DIP2C: variants seen among roughly 807,000 people sequenced by gnomAD.
The protein encoded by DIP2C is DIP2 acetate--CoA ligase C (putative), also known as disco-interacting protein 2 homolog C.
A neutral mutation model predicts 192.4 loss-of-function variants in DIP2C; 33 were observed. That is an observed-to-expected ratio of 0.17 (90% CI 0.13 to 0.23). The LOEUF (loss-of-function observed/expected upper bound fraction) is 0.23. Ranked by LOEUF, DIP2C falls within the 10% of genes least tolerant of loss-of-function variation. The probability of loss-of-function intolerance (pLI) is 1.00; values close to 1 mark genes in which losing one functional copy is unlikely to be tolerated. For synonymous variants in DIP2C, 979 were observed against 864.1 expected (o/e 1.13, Z -2.33); for missense variants, 1,537 against 2,110.1 (o/e 0.73, Z 5.32).
intron 1 of DIP2C, among the ~76,000 whole-genome samples, chr10:597,381 G>A (rs571006796): frequency 6.6e-6 from 1 of 152,308 alleles, no homozygotes; most frequent in Non-Finnish European, 1.5e-5. Flanking sequence ...TGTCTCTCTG[G>A]AGAGCCCTGA....
At chr10:304,765 C>G (rs1474023053) in intron 32 of DIP2C, among the ~76,000 whole-genome samples, 1 of 141,360 alleles carries the variant, frequency 7.1e-6, no homozygotes, top group Non-Finnish European at 1.6e-5. Context: ...AAACAGTACA[C>G]TACACTCACA....
rs1855909283 is a variant in DIP2C, at chr10:651,606, A to G, written c.85+37888T>C. 1 of 366,394 alleles carries G rather than the reference A, an allele frequency of 2.7e-6. No homozygotes were observed. Among genetic ancestry groups the G allele is most frequent in the African/African-American group, 2.1e-5 (1 of 47,354 alleles). 22.7% of individuals were successfully genotyped at this position (366,394 alleles called of 1,614,324 possible). A position where few individuals can be genotyped will look rare whatever the true frequency, so the allele number is the denominator to read the frequency against. ...TTCCCCCAAAAGGTGCATCTTTTAT[A>G]AAACAAGAACGCAAGGCTCTGAGGC... On this transcript the variant is annotated intron_variant, in intron 1 of 36. Coordinates refer to ENST00000280886, the MANE Select transcript of DIP2C (RefSeq NM_014974.3). This position sits in a 1 kb window ranked among gnomAD's most constrained non-coding sequence, Gnocchi z 4.1.
At chr10:581,475 A>G (rs912880053) in intron 1 of DIP2C, among the ~76,000 whole-genome samples, 1 of 152,240 alleles carries the variant, frequency 6.6e-6, no homozygotes, top group Admixed American at 6.5e-5. Context: ...TTTTAAAGTT[A>G]TATTTGAAGA....
At chr10:384,270 CCTTTTT>C in intron 15 of DIP2C, 124 bp from the exon 16 acceptor site, 3 of 535,772 alleles carry the variant, frequency 5.6e-6, no homozygotes, top group Admixed American at 9.4e-5. Flanking sequence ...CCCCCACAAA[CCTTTTT>C]TTTTTTTTTT....
rs59721670 is a variant in DIP2C, at chr10:565,354, T to TAAAAAAAA, written c.86-78832_86-78825dup. 1.3e-3 allele frequency among the ~76,000 whole-genome samples: 146 copies of TAAAAAAAA among 114,074 alleles called. 2 individuals carry two copies. The East Asian group carries it at 0.013, about 10-fold the overall frequency. 74.8% of individuals were successfully genotyped at this position (114,074 alleles called of 152,430 possible). A position where few individuals can be genotyped will look rare whatever the true frequency, so the allele number is the denominator to read the frequency against. ...AAAATATGAAACAGTACCTGCATTC[T>TAAAAAAAA]AAAAAAAAAAAAAAAAAGACCTAGA... On this transcript the variant is annotated intron_variant, in intron 1 of 36. Transcript: ENST00000280886.
At chr10:386,279 G>A (rs1441120307) in intron 14 of DIP2C, among the ~76,000 whole-genome samples, 3 of 152,228 alleles carry the variant, frequency 2.0e-5, no homozygotes, top group South Asian at 4.1e-4. Flanking sequence ...CACCGGCCAC[G>A]TCAAATAGGA....
At chr10:685,906 A>G (rs1831313087) in intron 1 of DIP2C, among the ~76,000 whole-genome samples, 1 of 152,252 alleles carries the variant, frequency 6.6e-6, no homozygotes, top group East Asian at 1.9e-4. Flanking sequence ...GGTTGCAGTG[A>G]GTTGAGCTCA....
At chr10:579,173 C>A (rs11595002) in intron 1 of DIP2C, among the ~76,000 whole-genome samples, 2 of 150,336 alleles carry the variant, frequency 1.3e-5, no homozygotes, top group Non-Finnish European at 3.0e-5. Flanking sequence ...GTGTACAAAC[C>A]TAAGTGCACT....
intron 31 of DIP2C, among the ~76,000 whole-genome samples, chr10:324,074 C>T (rs983985023): frequency 7.2e-5 from 11 of 152,128 alleles, no homozygotes; most frequent in African/African-American, 2.7e-4. Flanking sequence ...TGAAGCGTTC[C>T]TGACTGCCCT....
chr10:384,741 GCT>G, intron 14 of DIP2C, 102 bp from the exon 15 acceptor site: 1 of 1,186,888 alleles, frequency 8.4e-7, no homozygotes, highest in Non-Finnish European at 1.2e-6. Context: ...GCAGGGGGGA[GCT>G]CTCAGGGAGC....
At chr10:350,466 A>C (rs1958736632) in intron 24 of DIP2C, among the ~76,000 whole-genome samples, 1 of 152,088 alleles carries the variant, frequency 6.6e-6, no homozygotes, top group South Asian at 2.1e-4. Context: ...TCAGATGTGA[A>C]GACGGCTTCT....
At chr10:361,530 C>A (rs919306867) in intron 22 of DIP2C, among the ~76,000 whole-genome samples, 3 of 152,328 alleles carry the variant, frequency 2.0e-5, no homozygotes, top group African/African-American at 7.2e-5. Context: ...CTTGTCTGAA[C>A]CCTGTCTCCA....
intron 31 of DIP2C, among the ~76,000 whole-genome samples, chr10:325,811 A>G (rs1396875077): frequency 6.6e-6 from 1 of 152,214 alleles, no homozygotes; most frequent in Non-Finnish European, 1.5e-5. Context: ...TTGGTAATTT[A>G]TAATTTCTTA....
At chr10:391,209 T>C (rs1259035540) in intron 10 of DIP2C, among the ~76,000 whole-genome samples, 1 of 152,194 alleles carries the variant, frequency 6.6e-6, no homozygotes, top group East Asian at 1.9e-4. Flanking sequence ...GATTATACAA[T>C]GCAATTACTG....
chr10:439,941 T>TG (rs1967593054), intron 4 of DIP2C, among the ~76,000 whole-genome samples: 1 of 152,228 alleles, frequency 6.6e-6, no homozygotes, highest in Non-Finnish European at 1.5e-5. Context: ...CAAAGTGGGA[T>TG]GTAAGGTGAT....
intron 1 of DIP2C, among the ~76,000 whole-genome samples, chr10:599,704 G>C (rs1276341649): frequency 3.3e-5 from 5 of 152,176 alleles, no homozygotes; most frequent in Non-Finnish European, 7.3e-5. Context: ...CAGTGCATTC[G>C]GAGCAAGTAC....
chr10:634,704 T>C (rs1009112351), intron 1 of DIP2C, among the ~76,000 whole-genome samples: 1 of 151,598 alleles, frequency 6.6e-6, no homozygotes, highest in African/African-American at 2.4e-5. Context: ...TGAGCCAAGA[T>C]TGCACCATTG....
At chr10:573,304 A>C (rs1337412001) in intron 1 of DIP2C, among the ~76,000 whole-genome samples, 1 of 152,220 alleles carries the variant, frequency 6.6e-6, no homozygotes, top group Non-Finnish European at 1.5e-5. Context: ...TAATGAAAAA[A>C]CAGGGATGAT....
At chr10:315,833 ACT>A (rs1156340333) in intron 31 of DIP2C, among the ~76,000 whole-genome samples, 2 of 151,824 alleles carry the variant, frequency 1.3e-5, no homozygotes, top group African/African-American at 2.4e-5. Context: ...GGCCTCAGAC[ACT>A]CTGTTCCACT....
Sources: allele counts gnomAD v4.1 joint callset (sites outside exome capture counted in the v4.1 genomes callset), GRCh38; gene constraint gnomAD v4.1.1; non-coding constraint Gnocchi (gnomAD v3.1); transcripts MANE v1.5; gene names NCBI Gene and HGNC (gene_info 2026-07-23, HGNC 2026-07-21).